Variants in MORC2 observed in about 807,000 individuals in gnomAD.
The protein encoded by MORC2 is MORC family CW-type zinc finger 2.
A neutral mutation model predicts 136.0 loss-of-function variants in MORC2; 30 were observed. That is an observed-to-expected ratio of 0.22 (90% CI 0.17 to 0.30). The LOEUF (loss-of-function observed/expected upper bound fraction) is 0.30, where lower values mean the gene tolerates loss of function less well. Ranked by LOEUF, MORC2 falls within the 10% of genes least tolerant of loss-of-function variation. MORC2 has a pLI of 1.00. For synonymous variants in MORC2, 439 were observed against 487.0 expected (o/e 0.90, Z 1.30); for missense variants, 922 against 1,333.1 (o/e 0.69, Z 4.80).
chr22:30,939,202 G>A (rs2040703717), intron 12 of MORC2, among the ~76,000 whole-genome samples: 1 of 152,066 alleles, frequency 6.6e-6, no homozygotes, highest in African/African-American at 2.4e-5. Context: ...AACCACTGAG[G>A]AGAAAATGAA....
chr22:30,965,131 G>A (rs2041107688), intron 1 of MORC2, among the ~76,000 whole-genome samples: 1 of 152,228 alleles, frequency 6.6e-6, no homozygotes, highest in South Asian at 2.1e-4. Context: ...TCTTTTCACT[G>A]CACCACACTG....
At chr22:30,966,477 C>T (rs1431798455) in intron 1 of MORC2, among the ~76,000 whole-genome samples, 1 of 152,122 alleles carries the variant, frequency 6.6e-6, no homozygotes, top group Non-Finnish European at 1.5e-5. Context: ...AGAATTCAAC[C>T]TAGGTGACTG....
intron 9 of MORC2, 106 bp from the exon 10 acceptor site, chr22:30,940,943 G>A: frequency 1.1e-6 from 1 of 932,422 alleles, no homozygotes; most frequent in Non-Finnish European, 1.8e-6. Context: ...AAGCTGTGCT[G>A]TCCTGGCCCC....
At chr22:30,963,811 C>T (rs1252173461) in intron 1 of MORC2, among the ~76,000 whole-genome samples, 1 of 152,128 alleles carries the variant, frequency 6.6e-6, no homozygotes, top group Non-Finnish European at 1.5e-5. Flanking sequence ...TTACATTCAT[C>T]CTGAATGTAA....
In MORC2 at chr22:30,941,390, TC is replaced by T. The variant is rs779482622; in HGVS notation, c.824+42del. On this transcript the variant is annotated intron_variant, in intron 9 of 25. Transcript: ENST00000397641. The surrounding 1 kb of genome is among the most constrained non-coding windows in gnomAD (Gnocchi z 4.6). ...GCCCCAGAGAAACGCGGCCACATCC[TC>T]GACCCATGGGAGACAGCAGGCCAAG... 1 of 1,605,642 alleles carries T rather than the reference TC, an allele frequency of 6.2e-7. No homozygotes were observed.
chr22:30,956,892 T>C lies in MORC2; in HGVS notation c.123-95A>G, dbSNP rs1011521332. On this transcript the variant is annotated intron_variant, in intron 2 of 25. Coordinates refer to ENST00000397641, the MANE Select transcript of MORC2 (RefSeq NM_001303256.3). ...TGAGTAGAATGCAGAGTATTTTGAG[T>C]CTGTTTTCAGGAAGCCATACAGAAA... 9 of 1,050,294 alleles carry C rather than the reference T, an allele frequency of 8.6e-6. No individual in the cohort carries two copies. The Admixed American group carries it at 2.4e-4, about 28-fold the overall frequency. 65.1% of individuals were successfully genotyped at this position (1,050,294 alleles called of 1,614,324 possible). A position where few individuals can be genotyped will look rare whatever the true frequency, so the allele number is the denominator to read the frequency against.
At chr22:30,956,421 G>T (rs1003288310) in intron 3 of MORC2, among the ~76,000 whole-genome samples, 2 of 152,156 alleles carry the variant, frequency 1.3e-5, no homozygotes, top group East Asian at 3.8e-4. Flanking sequence ...TTGGCTGCAG[G>T]TACCACAAAC....
In MORC2 at chr22:30,938,088, C is replaced by T. The variant is rs777200130; in HGVS notation, c.1191G>A (p.Val397=). ...CSRLIKMYEK[V]GPQLEGGMAC... The stretch of plus-strand genomic sequence containing the variant: ...ACATGCCCCCTTCCAGCTGTGGGCC[C>T]ACTTTCTCATACATTTTGATCAGTC... The change falls in exon 13 of 26, where the codon GTG becomes GTA. Residue 397 remains valine (V), a synonymous_variant. Transcript: ENST00000397641. 8 of 1,614,040 alleles carry T rather than the reference C, an allele frequency of 5.0e-6. No individual in the cohort carries two copies. The East Asian group carries it at 1.8e-4, about 36-fold the overall frequency.
chr22:30,947,819 TTCTG>T (rs1490691129), intron 5 of MORC2, among the ~76,000 whole-genome samples: 3 of 152,234 alleles, frequency 2.0e-5, no homozygotes, highest in African/African-American at 7.2e-5. Context: ...TCTATCTTCC[TTCTG>T]TCTTTGATTC....
chr22:30,934,844 A>G lies in MORC2; in HGVS notation c.2130T>C (p.Pro710=). Residue 710 remains proline, a synonymous_variant, in exon 19 of 26, where the codon CCT becomes CCC. Transcript: ENST00000397641. The surrounding 1 kb of genome is among the most constrained non-coding windows in gnomAD (Gnocchi z 4.4). The stretch of plus-strand genomic sequence containing the variant: ...CTGGAGTCTTGATGACTTTGGGAGA[A>G]GGAACCTCCCGAGGGCTCTTGGAGT... ...LPNSKSPREV[P]SPKVIKTPVV... is the part of the protein sequence containing the mutation. 1 of 1,614,154 alleles carries G rather than the reference A, an allele frequency of 6.2e-7. No individual in the cohort carries two copies. The highest frequency in any genetic ancestry group is 8.5e-7 in the Non-Finnish European group (1 of 1,180,022).
rs1408208849 is a variant in MORC2 at position 30,941,881 on chromosome 22, C to T, written c.698+10G>A. 2 of 1,596,070 alleles carry T rather than the reference C, an allele frequency of 1.3e-6. No homozygotes were observed. The highest frequency in any genetic ancestry group is 1.7e-5 in the Admixed American group (1 of 60,008). Reference sequence around the variant, plus strand: ...TTCCAGGGCCTCCCTCCCTTCCCAGCCACACTCACGTGCCCTCTGGGGACG... The same window carrying T: ...TTCCAGGGCCTCCCTCCCTTCCCAGTCACACTCACGTGCCCTCTGGGGACG... On this transcript the variant is annotated intron_variant, in intron 8 of 25. Coordinates refer to ENST00000397641, the MANE Select transcript of MORC2 (RefSeq NM_001303256.3). This position sits in a 1 kb window ranked among gnomAD's most constrained non-coding sequence, Gnocchi z 4.6.
chr22:30,936,916 T>TA lies in MORC2; in HGVS notation c.1604+15dup, dbSNP rs2040661619. The TA allele has an allele frequency of 2.5e-6, 4 of 1,605,466 alleles. No homozygotes were observed. The highest frequency in any genetic ancestry group is 3.4e-6 in the Non-Finnish European group (4 of 1,172,464). ...AGAAAAGTACCCACAATCCCCTTGT[T>TA]AGACAATGTGCTCACCGGTCCTGTT... On this transcript the variant is annotated intron_variant, in intron 16 of 25. Coordinates refer to ENST00000397641, the MANE Select transcript of MORC2 (RefSeq NM_001303256.3).
At position 30,934,931 on chromosome 22, in the gene MORC2, G is replaced by T. The variant is rs908389720; in HGVS notation, c.2043C>A (p.Leu681=). 1 of 1,614,160 alleles carries T rather than the reference G, an allele frequency of 6.2e-7. No homozygotes were observed. The highest frequency in any genetic ancestry group is 1.7e-5 in the Admixed American group (1 of 60,020). Residue 681 remains leucine, a synonymous_variant, in exon 19 of 26, where the codon CTC becomes CTA. Coordinates refer to ENST00000397641, the MANE Select transcript of MORC2 (RefSeq NM_001303256.3). The surrounding 1 kb of genome is among the most constrained non-coding windows in gnomAD (Gnocchi z 4.4). ...PEAPRKPANT[L]VKTASRPAPL... ...GGGCAGGTCGGGATGCAGTCTTGAC[G>T]AGAGTGTTGGCAGGCTTTCGGGGTG...
At chr22:30,956,652 G>T in intron 3 of MORC2, 111 bp downstream of exon 3, 1 of 876,852 alleles carries the variant, frequency 1.1e-6, no homozygotes, top group Non-Finnish European at 1.8e-6. Flanking sequence ...GAATAATCAT[G>T]CCATCTTCCC....
intron 1 of MORC2, among the ~76,000 whole-genome samples, chr22:30,960,541 T>C (rs1243881967): frequency 6.6e-6 from 1 of 152,066 alleles, no homozygotes; most frequent in Non-Finnish European, 1.5e-5. Flanking sequence ...CAGGCTGGAG[T>C]GCAATGGCGC....
chr22:30,956,694 T>C lies in MORC2; in HGVS notation c.157+69A>G. On this transcript the variant is annotated intron_variant, in intron 3 of 25. Transcript: ENST00000397641. ...CCGAATCCAGTTATTTCCCACTCAATTCTTCTTAGGCACAGTAATAAATGC... is the reference window on the plus strand; with the variant it reads ...CCGAATCCAGTTATTTCCCACTCAACTCTTCTTAGGCACAGTAATAAATGC... 4 of 1,260,964 alleles carry C rather than the reference T, an allele frequency of 3.2e-6. No individual in the cohort carries two copies. The Admixed American group carries it at 9.4e-5, about 29-fold the overall frequency. 78.1% of individuals were successfully genotyped at this position (1,260,964 alleles called of 1,614,324 possible).
intron 11 of MORC2, 45 bp downstream of exon 11, chr22:30,939,914 A>G: frequency 6.3e-7 from 1 of 1,584,540 alleles, no homozygotes; most frequent in Non-Finnish European, 8.6e-7. Flanking sequence ...ATGGGCTCCT[A>G]GTGCCAGAAA....
At chr22:30,954,039 T>C (rs564097553) in intron 3 of MORC2, among the ~76,000 whole-genome samples, 1 of 152,296 alleles carries the variant, frequency 6.6e-6, no homozygotes, top group South Asian at 2.1e-4. Context: ...GCGCATCGGC[T>C]CAGCCTGTAA....
chr22:30,934,006 G>A lies in MORC2; in HGVS notation c.2325+54C>T. ...TGATGGGGGGTGCAGACTGCTGGTGGGGGCTGCAGGCCCTAGAGAGAGAGG... is the reference window on the plus strand; with the variant it reads ...TGATGGGGGGTGCAGACTGCTGGTGAGGGCTGCAGGCCCTAGAGAGAGAGG... On this transcript the variant is annotated intron_variant, in intron 20 of 25. Coordinates refer to ENST00000397641, the MANE Select transcript of MORC2 (RefSeq NM_001303256.3). The surrounding 1 kb of genome is among the most constrained non-coding windows in gnomAD (Gnocchi z 4.4). 1.2e-6 allele frequency: 2 copies of A among 1,607,566 alleles called. No homozygotes were observed. The highest frequency in any genetic ancestry group is 1.7e-6 in the Non-Finnish European group (2 of 1,176,230).
Sources: allele counts gnomAD v4.1 joint callset (sites outside exome capture counted in the v4.1 genomes callset), GRCh38; gene constraint gnomAD v4.1.1; non-coding constraint Gnocchi (gnomAD v3.1); transcripts MANE v1.5; gene names NCBI Gene and HGNC (gene_info 2026-07-23, HGNC 2026-07-21).